Variants in AGBL4 observed in about 807,000 individuals in gnomAD.
AGBL4 encodes cytosolic carboxypeptidase 6.
A neutral mutation model predicts 66.4 loss-of-function variants in AGBL4; 58 were observed. That is an observed-to-expected ratio of 0.87 (90% CI 0.71 to 1.09). The LOEUF (loss-of-function observed/expected upper bound fraction) is 1.09. Among genes scored for constraint, AGBL4 ranks in the 50% least tolerant of loss-of-function variants. The probability of loss-of-function intolerance (pLI) is 0.00; values close to 1 mark genes in which losing one functional copy is unlikely to be tolerated. For synonymous variants in AGBL4, 234 were observed against 222.9 expected, an observed-to-expected ratio of 1.05 and a Z score of -0.44; for missense variants, 579 against 631.0, an observed-to-expected ratio of 0.92 and a Z score of 0.88.
chr1:49,145,744 C>A (rs1468936825), intron 4 of AGBL4, among the ~76,000 whole-genome samples: 3 of 152,044 alleles, frequency 2.0e-5, no homozygotes, highest in African/African-American at 7.2e-5. Flanking sequence ...TCCAGCAATC[C>A]CACTGCTGGG....
At chr1:49,897,378 C>A (rs189103929) in intron 1 of AGBL4, among the ~76,000 whole-genome samples, 1 of 151,600 alleles carries the variant, frequency 6.6e-6, no homozygotes, top group East Asian at 1.9e-4. Flanking sequence ...AAATTATATA[C>A]GTCAGAATTA....
At chr1:48,717,418 ACATT>A (rs1356558997) in intron 6 of AGBL4, among the ~76,000 whole-genome samples, 15 of 152,166 alleles carry the variant, frequency 9.9e-5, no homozygotes, top group African/African-American at 3.6e-4. Context: ...TTCTTACTAT[ACATT>A]ATGATTTTCA....
chr1:48,951,443 C>A (rs769074836), intron 5 of AGBL4, among the ~76,000 whole-genome samples: 6 of 152,144 alleles, frequency 3.9e-5, no homozygotes, highest in Non-Finnish European at 7.3e-5. Context: ...GTTTGTCACC[C>A]CCATCCCTCC....
chr1:49,119,724 C>G (rs534381968), intron 4 of AGBL4, among the ~76,000 whole-genome samples: 1 of 152,252 alleles, frequency 6.6e-6, no homozygotes, highest in East Asian at 1.9e-4. Context: ...CCACTTGGTC[C>G]AGAGCTGAGT....
At chr1:49,285,120 G>T (rs950681941) in intron 3 of AGBL4, among the ~76,000 whole-genome samples, 4 of 152,134 alleles carry the variant, frequency 2.6e-5, no homozygotes, top group African/African-American at 9.7e-5. Context: ...ATATTTGGAA[G>T]TAAAGCTCTC....
intron 9 of AGBL4, among the ~76,000 whole-genome samples, chr1:48,613,125 C>T (rs1205840579): frequency 6.6e-6 from 1 of 151,464 alleles, no homozygotes; most frequent in Non-Finnish European, 1.5e-5. Flanking sequence ...GAGAGCAATA[C>T]TCCGCCTCAA....
chr1:49,386,083 T>C (rs971481742), intron 3 of AGBL4, among the ~76,000 whole-genome samples: 1 of 152,032 alleles, frequency 6.6e-6, no homozygotes, highest in African/African-American at 2.4e-5. Context: ...GACATTAATA[T>C]GGAAATGTGT....
At chr1:48,594,005 A>G (rs1644957525) in intron 9 of AGBL4, among the ~76,000 whole-genome samples, 1 of 152,150 alleles carries the variant, frequency 6.6e-6, no homozygotes, top group African/African-American at 2.4e-5. Context: ...CTTTTACTGT[A>G]TAGTTAAGAA....
At chr1:49,598,686 G>T (rs113676801) in intron 3 of AGBL4, among the ~76,000 whole-genome samples, 14,036 of 152,046 alleles carry the variant, frequency 0.092, 853 homozygotes, top group African/African-American at 0.16. Flanking sequence ...CACTTGAGGA[G>T]GCAGTCTGCC....
chr1:49,947,988 T>G (rs967667193), intron 1 of AGBL4, among the ~76,000 whole-genome samples: 1 of 59,448 alleles, frequency 1.7e-5, no homozygotes, highest in East Asian at 3.5e-4. Flanking sequence ...AAATATATAT[T>G]TATATATATA....
At chr1:49,214,592 C>A (rs1263369790) in intron 4 of AGBL4, among the ~76,000 whole-genome samples, 1 of 152,084 alleles carries the variant, frequency 6.6e-6, no homozygotes, top group Non-Finnish European at 1.5e-5. Flanking sequence ...AACAATGAAA[C>A]TGAGGCACAA....
chr1:49,948,570 T>TAGAGAG (rs1372272160), intron 1 of AGBL4, among the ~76,000 whole-genome samples: 5 of 109,534 alleles, frequency 4.6e-5, no homozygotes, highest in Non-Finnish European at 7.0e-5. Context: ...TAAAAATATA[T>TAGAGAG]ATATATATAT....
rs78257265 is a variant in AGBL4, at chr1:49,838,938, G to A, written c.157+12458C>T. Among the ~76,000 whole-genome samples the A allele has an allele frequency of 9.7e-3, 1,473 of 152,224 alleles. 18 individuals carry two copies. The highest frequency in any genetic ancestry group is 0.034 in the African/African-American group (1,401 of 41,536). On this transcript the variant is annotated intron_variant, in intron 2 of 13. Transcript: ENST00000371839. ...CATAAGAGGGTGGTTTATGTGCATC[G>A]TAAGTCCCCTTCAAAGCTGTTTCTC... is the stretch of plus-strand genomic sequence containing the variant.
At chr1:49,017,499 A>C (rs1202374961) in intron 5 of AGBL4, among the ~76,000 whole-genome samples, 9 of 152,178 alleles carry the variant, frequency 5.9e-5, no homozygotes, top group Non-Finnish European at 1.0e-4. Context: ...AGATATTTGG[A>C]GTTCAAACAT....
intron 1 of AGBL4, among the ~76,000 whole-genome samples, chr1:49,916,143 G>T (rs942364576): frequency 6.6e-6 from 1 of 152,156 alleles, no homozygotes; most frequent in Non-Finnish European, 1.5e-5. Flanking sequence ...AAAAAACAGA[G>T]CAGAAAAGCT....
At chr1:49,159,590 G>A (rs932592928) in intron 4 of AGBL4, among the ~76,000 whole-genome samples, 4 of 152,102 alleles carry the variant, frequency 2.6e-5, no homozygotes, top group African/African-American at 9.7e-5. Context: ...TGTATTTCCT[G>A]AATTTGAATG....
At chr1:48,748,825 G>C (rs1366102376) in intron 6 of AGBL4, among the ~76,000 whole-genome samples, 1 of 152,074 alleles carries the variant, frequency 6.6e-6, no homozygotes, top group African/African-American at 2.4e-5. Context: ...GAGTAGTGAG[G>C]CCGGGGTTCT....
intron 3 of AGBL4, among the ~76,000 whole-genome samples, chr1:49,662,764 A>C (rs1459402718): frequency 6.6e-6 from 1 of 152,120 alleles, no homozygotes; most frequent in Non-Finnish European, 1.5e-5. Context: ...CTTCATAAGC[A>C]TTGATGGAAA....
chr1:49,500,399 T>C (rs1648033500), intron 3 of AGBL4, among the ~76,000 whole-genome samples: 1 of 111,830 alleles, frequency 8.9e-6, no homozygotes, highest in Non-Finnish European at 2.2e-5. Context: ...GTCCCATCTA[T>C]TTATCTTTTT....
Sources: gnomAD v4.1 joint callset for allele counts (sites outside exome capture counted in the v4.1 genomes callset) on GRCh38, gnomAD v4.1.1 for gene constraint, MANE v1.5 for transcripts, NCBI Gene and HGNC (gene_info 2026-07-23, HGNC 2026-07-21) for gene names.